Variants in ZNF536 observed in about 807,000 individuals in gnomAD.
ZNF536 encodes the protein zinc finger protein 536.
In ZNF536, 13 loss-of-function variants were observed where a neutral mutation model predicts 84.5. The observed-to-expected ratio is 0.15, with a 90% CI of 0.10 to 0.24. The LOEUF (loss-of-function observed/expected upper bound fraction) is 0.24, where lower values mean the gene tolerates loss of function less well. Ranked by LOEUF, ZNF536 falls within the 10% of genes least tolerant of loss-of-function variation. ZNF536 has a pLI of 1.00. For missense variants in ZNF536, 1,536 were observed against 1,747.5 expected, an observed-to-expected ratio of 0.88 and a Z score of 2.16; for synonymous variants, 811 against 742.5, an observed-to-expected ratio of 1.09 and a Z score of -1.50.
rs1448030828 is a variant in ZNF536 at position 30,287,654 on chromosome 19, GTGGATGGA to G, written c.-120+3517_-120+3524del. Among the ~76,000 whole-genome samples the G allele has an allele frequency of 2.2e-3, 241 of 108,936 alleles. 1 individual carries two copies. The highest frequency in any genetic ancestry group is 0.02 in the South Asian group (52 of 2,636). The allele number at this position is 108,936 out of a possible 152,430, so 71.5% of individuals were successfully genotyped here. A position where few individuals can be genotyped will look rare whatever the true frequency, so the allele number is the denominator to read the frequency against. Reference sequence around the variant, plus strand: ...GATGGGTGGGTGGATGGATGGGTGGGTGGATGGATGGGTGGGTGGATGGATGGATGGAT... The same window carrying G: ...GATGGGTGGGTGGATGGATGGGTGGGTGGGTGGGTGGATGGATGGATGGAT... On this transcript the variant is annotated intron_variant, in intron 2 of 5. Transcript: ENST00000585628.
intron 1 of ZNF536, among the ~76,000 whole-genome samples, chr19:30,693,869 C>T (rs1380188751): frequency 2.0e-5 from 3 of 152,078 alleles, no homozygotes; most frequent in Non-Finnish European, 4.4e-5. Flanking sequence ...GAGAGATGTG[C>T]GATTCTTTCT....
intron 1 of ZNF536, chr19:30,668,627 T>C (rs958314224): frequency 1.3e-5 from 2 of 152,352 alleles, no homozygotes; most frequent in African/African-American, 4.8e-5. Flanking sequence ...GGCTCCAGCC[T>C]CTGCGCTGCC....
chr19:30,302,141 G>A (rs770726817), intron 2 of ZNF536, among the ~76,000 whole-genome samples: 7 of 152,214 alleles, frequency 4.6e-5, no homozygotes, highest in Admixed American at 3.9e-4. Flanking sequence ...AGAGAAAGTC[G>A]TTCTAAAATA....
At chr19:30,563,688 CAGTG>C (rs1394331235) in intron 1 of ZNF536, among the ~76,000 whole-genome samples, 2 of 152,186 alleles carry the variant, frequency 1.3e-5, no homozygotes, top group Non-Finnish European at 2.9e-5. Flanking sequence ...TCTTTCGTGA[CAGTG>C]GGTTTTGCAA....
downstream of ZNF536, among the ~76,000 whole-genome samples, chr19:30,559,696 G>A (rs1362421758): frequency 6.6e-6 from 1 of 152,136 alleles, no homozygotes; most frequent in Non-Finnish European, 1.5e-5. Context: ...GGCAGAGGGA[G>A]TGCAAAGCCA....
intron 1 of ZNF536, among the ~76,000 whole-genome samples, chr19:30,655,157 C>A (rs1434446085): frequency 6.6e-6 from 1 of 152,192 alleles, no homozygotes; most frequent in Non-Finnish European, 1.5e-5. Flanking sequence ...AAATAAATCT[C>A]ACATGAGTTA....
chr19:30,253,583 C>G (rs956585143), intron 1 of ZNF536, among the ~76,000 whole-genome samples: 2 of 152,184 alleles, frequency 1.3e-5, no homozygotes, highest in African/African-American at 4.8e-5. Context: ...TTTTTCCCAG[C>G]CAAAATGTGG....
intron 3 of ZNF536, among the ~76,000 whole-genome samples, chr19:30,540,244 C>T (rs887315791): frequency 3.9e-5 from 6 of 152,104 alleles, no homozygotes; most frequent in Non-Finnish European, 7.4e-5. Flanking sequence ...GCTGGGCTCT[C>T]ACCTGTATTC....
chr19:30,603,061 G>A lies in ZNF536; in HGVS notation c.169+53547G>A, dbSNP rs140954511. Among the ~76,000 whole-genome samples the A allele has an allele frequency of 5.9e-5, 9 of 152,296 alleles. No homozygotes were observed. The East Asian group carries it at 1.4e-3, about 23-fold the overall frequency. ...CAGGTGGGTCCTCCTCCTCCAGCCC[G>A]TGTGACGTTCTACCTTGTGCTTTGC... On this transcript the variant is annotated intron_variant, in intron 1 of 1. Coordinates refer to the ZNF536 transcript ENST00000592773.
At chr19:30,278,383 G>A (rs1331401213) in intron 1 of ZNF536, among the ~76,000 whole-genome samples, 1 of 152,204 alleles carries the variant, frequency 6.6e-6, no homozygotes, top group Admixed American at 6.5e-5. Context: ...TAGGGCAGGA[G>A]GATAGTGGCC....
chr19:30,409,966 A>AT (rs879926799), intron 1 of ZNF536, among the ~76,000 whole-genome samples: 2,208 of 148,450 alleles, frequency 0.015, 31 homozygotes, highest in Non-Finnish European at 0.024. Flanking sequence ...GGGTATTTGA[A>AT]TTTTTTTTTT....
intron 2 of ZNF536, among the ~76,000 whole-genome samples, chr19:30,470,685 CTTT>C (rs36018979): frequency 4.0e-5 from 5 of 125,954 alleles, no homozygotes; most frequent in Admixed American, 8.1e-5. Flanking sequence ...TGTAGACTGT[CTTT>C]TTTTTTTTTT....
intron 2 of ZNF536, among the ~76,000 whole-genome samples, chr19:30,458,237 A>G (rs1410741899): frequency 1.3e-5 from 2 of 151,872 alleles, no homozygotes; most frequent in Admixed American, 6.6e-5. Context: ...CCTCCACATC[A>G]TGGGAATTTG....
chr19:30,447,295 C>T (rs2052397837), intron 2 of ZNF536, among the ~76,000 whole-genome samples: 1 of 152,128 alleles, frequency 6.6e-6, no homozygotes, highest in Non-Finnish European at 1.5e-5. Flanking sequence ...TTTAGCTTTG[C>T]TGTTATAGTC....
intron 1 of ZNF536, among the ~76,000 whole-genome samples, chr19:30,605,607 T>C (rs1438571140): frequency 1.3e-5 from 2 of 152,194 alleles, no homozygotes. Flanking sequence ...CTTAGGTTGG[T>C]TCCATATCTT....
chr19:30,538,734 G>A (rs775287704), intron 3 of ZNF536, among the ~76,000 whole-genome samples: 2 of 152,218 alleles, frequency 1.3e-5, no homozygotes, highest in Non-Finnish European at 2.9e-5. Flanking sequence ...TGACCCAGAG[G>A]TGGCTGAACT....
intron 1 of ZNF536, among the ~76,000 whole-genome samples, chr19:30,687,294 A>G (rs2051228500): frequency 6.6e-6 from 1 of 152,210 alleles, no homozygotes; most frequent in African/African-American, 2.4e-5. Flanking sequence ...CAGATTTGCT[A>G]CATTCCCACA....
At chr19:30,375,072 A>G (rs1436193677) in intron 1 of ZNF536, among the ~76,000 whole-genome samples, 1 of 151,688 alleles carries the variant, frequency 6.6e-6, no homozygotes, top group African/African-American at 2.4e-5. Flanking sequence ...GTTACCAAAG[A>G]CGGTGGGAGT....
chr19:30,366,875 G>A (rs1459017265), intron 3 of ZNF536, among the ~76,000 whole-genome samples: 1 of 152,212 alleles, frequency 6.6e-6, no homozygotes, highest in African/African-American at 2.4e-5. Flanking sequence ...TCAAACAGGG[G>A]GATCTGAAGC....
Sources: gnomAD v4.1 joint callset for allele counts (sites outside exome capture counted in the v4.1 genomes callset) on GRCh38, gnomAD v4.1.1 for gene constraint, MANE v1.5 for transcripts, NCBI Gene and HGNC (gene_info 2026-07-23, HGNC 2026-07-21) for gene names.